Variants in MAGI2 observed in about 807,000 individuals in gnomAD.
MAGI2 encodes membrane-associated guanylate kinase, WW and PDZ domain-containing protein 2.
In MAGI2, 35 loss-of-function variants were observed where a neutral mutation model predicts 133.3. The ratio of observed to expected loss-of-function variants is 0.26; its 90% CI spans 0.20 to 0.35. The LOEUF is 0.35. Among genes scored for constraint, MAGI2 ranks in the 10% least tolerant of loss-of-function variants. MAGI2 has a pLI of 1.00. For synonymous variants in MAGI2, 729 were observed against 710.6 expected, an observed-to-expected ratio of 1.03 and a Z score of -0.41; for missense variants, 1,636 against 1,863.4, an observed-to-expected ratio of 0.88 and a Z score of 2.25.
intron 10 of MAGI2, among the ~76,000 whole-genome samples, chr7:78,207,736 C>G (rs997549019): frequency 2.0e-5 from 3 of 152,120 alleles, no homozygotes; most frequent in South Asian, 2.1e-4. Context: ...AAGACCTGTC[C>G]CTTAGCAAGA....
chr7:78,829,642 C>G (rs1422343448), intron 2 of MAGI2, among the ~76,000 whole-genome samples: 1 of 151,950 alleles, frequency 6.6e-6, no homozygotes, highest in Non-Finnish European at 1.5e-5. Context: ...TGAAATAAAG[C>G]CATAAGAAAG....
rs769060268 is a variant in MAGI2 at position 78,168,084 on chromosome 7, T to G, written c.2428A>C (p.Met810Leu). 1.2e-6 allele frequency: 2 copies of G among 1,613,670 alleles called. No homozygotes were observed. The highest frequency in any genetic ancestry group is 1.7e-6 in the Non-Finnish European group (2 of 1,179,968). The change falls in exon 15 of 22, where the codon ATG becomes CTG. Residue 810 changes from methionine (M) to leucine (L), a missense_variant. Met to Leu is a conservative substitution (Grantham distance 15). Transcript: ENST00000354212. ...QPILIGAVIA[M>L]GSADRDGRLH... ...CGGCCATCTCTGTCGGCTGAGCCCA[T>G]GGCAATGACAGCTCCAATCAAAATC...
chr7:79,030,240 G>A (rs1810434049), intron 1 of MAGI2: 1 of 152,156 alleles, frequency 6.6e-6, no homozygotes, highest in Non-Finnish European at 1.5e-5. Context: ...CAAGATTTCT[G>A]TGTTCACATA....
intron 2 of MAGI2, among the ~76,000 whole-genome samples, chr7:78,825,813 T>G (rs1370974913): frequency 6.6e-6 from 1 of 152,158 alleles, no homozygotes; most frequent in East Asian, 1.9e-4. Flanking sequence ...CTGGTCACCT[T>G]GTTTCTTCTC....
At chr7:79,424,324 C>G (rs185150996) in intron 1 of MAGI2, among the ~76,000 whole-genome samples, 30 of 151,450 alleles carry the variant, frequency 2.0e-4, no homozygotes, top group African/African-American at 7.0e-4. Context: ...CAGATCAATA[C>G]TGCATGATCT....
rs76490352 is a variant in MAGI2 at position 78,412,662 on chromosome 7, A to G, written c.1046-43449T>C. On this transcript the variant is annotated intron_variant, in intron 6 of 21. Coordinates refer to ENST00000354212, the MANE Select transcript of MAGI2 (RefSeq NM_012301.4). ...TCTCACTGGGTTGAGAGAAAAGGGC[A>G]GTAACAGAAGATGAAATTGCAACAT... Among the ~76,000 whole-genome samples, 799 of 152,210 alleles carry G rather than the reference A, an allele frequency of 5.2e-3. 10 individuals carry two copies. The highest frequency in any genetic ancestry group is 0.012 in the African/African-American group (484 of 41,546).
chr7:78,448,249 G>GT (rs908927013), intron 6 of MAGI2, among the ~76,000 whole-genome samples: 13 of 151,970 alleles, frequency 8.6e-5, no homozygotes, highest in Non-Finnish European at 1.5e-5. Context: ...GAAATGCAAA[G>GT]TTTTTTTGAC....
chr7:79,287,448 T>A (rs1836103031), intron 1 of MAGI2, among the ~76,000 whole-genome samples: 3 of 152,110 alleles, frequency 2.0e-5, no homozygotes, highest in African/African-American at 7.2e-5. Flanking sequence ...TGTGCAGAAT[T>A]GGGAGAGGGA....
intron 3 of MAGI2, among the ~76,000 whole-genome samples, chr7:78,574,749 T>A (rs1424713761): frequency 6.6e-6 from 1 of 152,244 alleles, no homozygotes; most frequent in African/African-American, 2.4e-5. Flanking sequence ...GTGATAAATG[T>A]CATTTACAAT....
intron 20 of MAGI2, among the ~76,000 whole-genome samples, chr7:78,118,683 T>C (rs1820123249): frequency 6.6e-6 from 1 of 152,112 alleles, no homozygotes; most frequent in African/African-American, 2.4e-5. Flanking sequence ...ATGGCCCAAA[T>C]CCATAACAAT....
chr7:78,883,463 C>T (rs990646040), intron 2 of MAGI2, among the ~76,000 whole-genome samples: 1 of 152,136 alleles, frequency 6.6e-6, no homozygotes, highest in Admixed American at 6.5e-5. Flanking sequence ...TGTACAGATT[C>T]AATGCTATTC....
chr7:78,729,083 A>G (rs1298746886), intron 2 of MAGI2, among the ~76,000 whole-genome samples: 2 of 152,138 alleles, frequency 1.3e-5, no homozygotes, highest in Admixed American at 6.5e-5. Context: ...TATGATAATG[A>G]TCATATGACT....
intron 5 of MAGI2, among the ~76,000 whole-genome samples, chr7:78,493,663 G>A (rs777437495): frequency 2.6e-5 from 4 of 152,010 alleles, no homozygotes; most frequent in Admixed American, 2.0e-4. Flanking sequence ...AGAGGCATCC[G>A]GAACCTCACA....
intron 3 of MAGI2, among the ~76,000 whole-genome samples, chr7:78,599,854 C>A (rs1477095659): frequency 3.3e-5 from 5 of 152,160 alleles, no homozygotes; most frequent in African/African-American, 7.2e-5. Context: ...CTGCTTGTCA[C>A]TCCTATCTGG....
At chr7:78,654,618 C>T (rs1811931716) in intron 2 of MAGI2, among the ~76,000 whole-genome samples, 1 of 150,124 alleles carries the variant, frequency 6.7e-6, no homozygotes, top group African/African-American at 2.4e-5. Context: ...GTTACTAGCC[C>T]ATAGCCCCAT....
At chr7:78,230,680 T>G (rs1401554219) in intron 10 of MAGI2, among the ~76,000 whole-genome samples, 2 of 152,196 alleles carry the variant, frequency 1.3e-5, no homozygotes, top group African/African-American at 2.4e-5. Flanking sequence ...TAATTAATTC[T>G]TCTGAGGAAA....
intron 1 of MAGI2, among the ~76,000 whole-genome samples, chr7:79,122,232 C>T (rs1236954530): frequency 6.6e-6 from 1 of 152,070 alleles, no homozygotes; most frequent in East Asian, 1.9e-4. Flanking sequence ...TTTAAGTTTG[C>T]AAGGAAAATA....
chr7:79,162,014 A>G (rs893585762), intron 1 of MAGI2, among the ~76,000 whole-genome samples: 3 of 152,036 alleles, frequency 2.0e-5, no homozygotes, highest in Non-Finnish European at 4.4e-5. Flanking sequence ...CCTAAAACTT[A>G]CCTTGCACAC....
At chr7:78,332,469 C>T (rs577249983) in intron 9 of MAGI2, among the ~76,000 whole-genome samples, 42 of 152,188 alleles carry the variant, frequency 2.8e-4, no homozygotes, top group Middle Eastern at 3.4e-3. Flanking sequence ...GAGGCCGAGG[C>T]GGGAGGATCA....
Sources: allele counts gnomAD v4.1 joint callset (sites outside exome capture counted in the v4.1 genomes callset), GRCh38; gene constraint gnomAD v4.1.1; transcripts MANE v1.5; gene names NCBI Gene and HGNC (gene_info 2026-07-23, HGNC 2026-07-21).